CDH4: variants seen among roughly 807,000 people sequenced by gnomAD.
CDH4 encodes cadherin-4.
CDH4 carries 33 observed loss-of-function variants against 86.0 expected under a neutral mutation model. That is an observed-to-expected ratio of 0.38 (90% CI 0.29 to 0.51). The LOEUF (loss-of-function observed/expected upper bound fraction) is 0.51. CDH4 is among the 20% of genes least tolerant of loss of function. The pLI is 0.86. For missense variants in CDH4, 1,114 were observed against 1,307.4 expected, an observed-to-expected ratio of 0.85 and a Z score of 2.28; for synonymous variants, 555 against 549.4, an observed-to-expected ratio of 1.01 and a Z score of -0.14.
At chr20:61,511,046 C>T (rs77571311) in intron 2 of CDH4, among the ~76,000 whole-genome samples, 3,559 of 152,342 alleles carry the variant, frequency 0.023, 137 homozygotes, top group African/African-American at 0.079. Flanking sequence ...GGGGATGGCC[C>T]ATGCCATTCA....
intron 2 of CDH4, among the ~76,000 whole-genome samples, chr20:61,406,231 A>T (rs1443936818): frequency 1.3e-5 from 2 of 151,272 alleles, no homozygotes; most frequent in African/African-American, 4.9e-5. Context: ...CTCTACCCGG[A>T]CCACCATCTG....
chr20:61,758,853 G>A (rs910674114), intron 3 of CDH4, among the ~76,000 whole-genome samples: 2 of 152,178 alleles, frequency 1.3e-5, no homozygotes, highest in African/African-American at 2.4e-5. Context: ...GCCCTCCAGC[G>A]TCTCAGCTTC....
chr20:61,925,454 C>T (rs773539789), intron 11 of CDH4, among the ~76,000 whole-genome samples: 2 of 152,208 alleles, frequency 1.3e-5, no homozygotes, highest in Non-Finnish European at 2.9e-5. Flanking sequence ...GAGAATCAAA[C>T]GAGTCGGAGT....
intron 4 of CDH4, among the ~76,000 whole-genome samples, chr20:61,785,140 G>C (rs1032002411): frequency 1.3e-5 from 2 of 152,160 alleles, no homozygotes; most frequent in African/African-American, 2.4e-5. Context: ...CAGTTCATCA[G>C]GTCTCTCCTC....
intron 2 of CDH4, among the ~76,000 whole-genome samples, chr20:61,590,413 C>T: frequency 6.6e-6 from 1 of 152,200 alleles, no homozygotes. Flanking sequence ...GGGTCAGGTT[C>T]AGGCGTCTAC....
At chr20:61,558,273 C>T (rs1411847626) in intron 2 of CDH4, among the ~76,000 whole-genome samples, 1 of 152,128 alleles carries the variant, frequency 6.6e-6, no homozygotes, top group Non-Finnish European at 1.5e-5. Context: ...AACCCTGTCC[C>T]TGGGCAGAGT....
At chr20:61,425,769 C>T in intron 2 of CDH4, among the ~76,000 whole-genome samples, 1 of 150,970 alleles carries the variant, frequency 6.6e-6, no homozygotes, top group Non-Finnish European at 1.5e-5. Flanking sequence ...TCTCGAGGGC[C>T]CCGCCCAGGG....
intron 2 of CDH4, chr20:61,599,685 G>A (rs2086582921): frequency 2.0e-5 from 7 of 346,680 alleles, no homozygotes; most frequent in Non-Finnish European, 2.8e-5. Flanking sequence ...GAAGCCTCTC[G>A]CGTGGTCTCT....
At chr20:61,573,380 A>G (rs948302175) in intron 2 of CDH4, among the ~76,000 whole-genome samples, 3 of 152,208 alleles carry the variant, frequency 2.0e-5, no homozygotes, top group Admixed American at 6.5e-5. Flanking sequence ...CAGAAACACA[A>G]GTTGAGTATT....
chr20:61,728,471 G>A (rs1319219631), intron 2 of CDH4, among the ~76,000 whole-genome samples: 4 of 152,144 alleles, frequency 2.6e-5, no homozygotes, highest in African/African-American at 9.7e-5. Flanking sequence ...AAAGGGGAGT[G>A]CCAAGCAACA....
chr20:61,310,557 G>A (rs1191252228), intron 2 of CDH4, among the ~76,000 whole-genome samples: 3 of 152,166 alleles, frequency 2.0e-5, no homozygotes, highest in Non-Finnish European at 2.9e-5. Context: ...AGGAGGCGGA[G>A]CTCAGGCGGC....
chr20:61,601,875 G>C (rs1173835378), intron 2 of CDH4, among the ~76,000 whole-genome samples: 4 of 152,226 alleles, frequency 2.6e-5, no homozygotes, highest in Non-Finnish European at 5.9e-5. Flanking sequence ...GCAGTGTCGC[G>C]TTCAGTTGGA....
At chr20:61,468,584 C>G (rs1472121079) in intron 2 of CDH4, among the ~76,000 whole-genome samples, 3 of 152,054 alleles carry the variant, frequency 2.0e-5, no homozygotes, top group Non-Finnish European at 4.4e-5. Flanking sequence ...TTAAAATACA[C>G]AATTAAATTA....
intron 2 of CDH4, among the ~76,000 whole-genome samples, chr20:61,394,714 C>A (rs975149548): frequency 2.1e-4 from 32 of 151,798 alleles, no homozygotes; most frequent in Non-Finnish European, 4.4e-5. Flanking sequence ...GCTGCCTCCT[C>A]TTCCAGCCTC....
chr20:61,528,666 C>T (rs1322685178), intron 2 of CDH4, among the ~76,000 whole-genome samples: 4 of 152,090 alleles, frequency 2.6e-5, no homozygotes, highest in South Asian at 2.1e-4. Context: ...GCAAAGTCCC[C>T]AGAGAGGGGG....
rs549731402 is a variant in CDH4, at chr20:61,316,349, G to A, written c.169+61412G>A. On this transcript the variant is annotated intron_variant, in intron 2 of 15. Transcript: ENST00000614565. ...GCACTGCGGCCCGCAGATAGAGACC[G>A]CCGCGCTGACCTAAGTCGATAAGTT... Among the ~76,000 whole-genome samples, 5 of 152,356 alleles carry A rather than the reference G, an allele frequency of 3.3e-5. No individual in the cohort carries two copies. The South Asian group carries it at 8.3e-4, about 25-fold the overall frequency.
intron 2 of CDH4, among the ~76,000 whole-genome samples, chr20:61,473,719 G>A (rs571521379): frequency 1.2e-4 from 18 of 152,000 alleles, no homozygotes; most frequent in East Asian, 9.7e-4. Context: ...TGATGAGTGC[G>A]GAATGGCATG....
chr20:61,274,492 T>A (rs2084213663), intron 2 of CDH4, among the ~76,000 whole-genome samples: 1 of 127,028 alleles, frequency 7.9e-6, no homozygotes, highest in Non-Finnish European at 1.6e-5. Flanking sequence ...GAGTACCGTG[T>A]GCAGTTTGGG....
chr20:61,921,942 TTCTC>T (rs1174785233), intron 9 of CDH4, among the ~76,000 whole-genome samples: 2 of 152,178 alleles, frequency 1.3e-5, no homozygotes. Flanking sequence ...AATCATATTT[TTCTC>T]TCTCTTTTGC....
Sources: gnomAD v4.1 joint callset for allele counts (sites outside exome capture counted in the v4.1 genomes callset) on GRCh38, gnomAD v4.1.1 for gene constraint, MANE v1.5 for transcripts, NCBI Gene and HGNC (gene_info 2026-07-23, HGNC 2026-07-21) for gene names.